Variants in WDR17 observed in about 807,000 individuals in gnomAD.
WDR17 encodes the protein WD repeat-containing protein 17.
Under a neutral mutation model 161.7 loss-of-function variants are expected in WDR17, and 143 were observed. The observed-to-expected ratio is 0.88, with a 90% CI of 0.77 to 1.02. The LOEUF is 1.02. Among genes scored for constraint, WDR17 ranks in the 50% least tolerant of loss-of-function variants. The probability of loss-of-function intolerance (pLI) is 0.00; values close to 1 mark genes in which losing one functional copy is unlikely to be tolerated. For missense variants in WDR17, 1,469 were observed against 1,520.9 expected (o/e 0.97, Z 0.57); for synonymous variants, 517 against 515.6 (o/e 1.00, Z -0.04).
At chr4:176,085,229 A>T (rs1293197998) in intron 1 of WDR17, among the ~76,000 whole-genome samples, 1 of 152,000 alleles carries the variant, frequency 6.6e-6, no homozygotes, top group Non-Finnish European at 1.5e-5. Context: ...TAATTCATTA[A>T]CTCCATGTAT....
At chr4:176,178,256 T>G (rs1751756840) in intron 28 of WDR17, among the ~76,000 whole-genome samples, 1 of 152,114 alleles carries the variant, frequency 6.6e-6, no homozygotes, top group African/African-American at 2.4e-5. Context: ...ATAACCAGTA[T>G]CTTCCAAAAG....
intron 15 of WDR17, 127 bp from the exon 16 acceptor site, chr4:176,150,341 G>C: frequency 1.4e-6 from 2 of 1,420,682 alleles, no homozygotes; most frequent in Non-Finnish European, 1.9e-6. Flanking sequence ...CAATACATGA[G>C]ATAACATGTA....
chr4:176,120,319 T>TATATATATATATAA (rs1491272016), intron 4 of WDR17, among the ~76,000 whole-genome samples: 147 of 138,756 alleles, frequency 1.1e-3, no homozygotes, highest in African/African-American at 3.3e-3. Context: ...TATATATATA[T>TATATATATATATAA]AATACATTCA....
intron 1 of WDR17, among the ~76,000 whole-genome samples, chr4:176,097,504 CT>C (rs1398752876): frequency 6.6e-6 from 1 of 151,394 alleles, no homozygotes; most frequent in Non-Finnish European, 1.5e-5. Flanking sequence ...TTTTCAGATA[CT>C]TTTTTTGTAA....
At position 176,075,671 on chromosome 4, in the gene WDR17, G is replaced by A. The variant is rs569606764; in HGVS notation, c.-7+9592G>A. On this transcript the variant is annotated intron_variant, in intron 1 of 28. Transcript: ENST00000508596. ...CCAGTATGAGAATGTCTTTCTGTTC[G>A]TTTTCCCTTCACACATGTATGATAC... Among the ~76,000 whole-genome samples, 173 of 152,098 alleles carry A rather than the reference G, an allele frequency of 1.1e-3. 4 individuals are homozygous for A. In the South Asian group the frequency reaches 0.03, roughly 27 times the overall value.
chr4:176,083,080 T>C (rs571012218), intron 1 of WDR17, among the ~76,000 whole-genome samples: 1 of 152,178 alleles, frequency 6.6e-6, no homozygotes, highest in African/African-American at 2.4e-5. Flanking sequence ...CTTAGAAGTC[T>C]ATTTTTTCCT....
At chr4:176,080,454 A>C (rs985385646) in intron 1 of WDR17, among the ~76,000 whole-genome samples, 14 of 152,022 alleles carry the variant, frequency 9.2e-5, no homozygotes, top group African/African-American at 3.4e-4. Context: ...ATTTTAAAAA[A>C]ACAATGGGGA....
chr4:176,172,581 G>A (rs1234583660), intron 24 of WDR17, 65 bp downstream of exon 24: 3 of 1,367,824 alleles, frequency 2.2e-6, no homozygotes, highest in Non-Finnish European at 3.0e-6. Flanking sequence ...TTTTCATACT[G>A]ATGATTGTTT....
At chr4:176,091,853 A>C (rs985289532) in intron 1 of WDR17, among the ~76,000 whole-genome samples, 3 of 152,152 alleles carry the variant, frequency 2.0e-5, no homozygotes, top group African/African-American at 7.2e-5. Flanking sequence ...CATGTCAATA[A>C]ATTAGAAAAC....
chr4:176,139,276 T>A (rs1385246320), intron 9 of WDR17, among the ~76,000 whole-genome samples: 11 of 151,940 alleles, frequency 7.2e-5, no homozygotes, highest in Non-Finnish European at 1.3e-4. Context: ...ATGAATGACA[T>A]TCTCATGTGT....
At chr4:176,123,699 C>T (rs1434266519) in intron 4 of WDR17, among the ~76,000 whole-genome samples, 3 of 152,196 alleles carry the variant, frequency 2.0e-5, no homozygotes, top group African/African-American at 4.8e-5. Flanking sequence ...CAGGAGCCTC[C>T]GTGTGCTCAG....
chr4:176,156,470 T>G (rs1282620847), intron 18 of WDR17, among the ~76,000 whole-genome samples: 2 of 152,142 alleles, frequency 1.3e-5, no homozygotes, highest in Non-Finnish European at 2.9e-5. Flanking sequence ...AAGGTTAGCA[T>G]AGGTTCGTAA....
intron 8 of WDR17, among the ~76,000 whole-genome samples, chr4:176,136,422 A>G (rs1213568568): frequency 6.6e-6 from 1 of 151,710 alleles, no homozygotes; most frequent in Non-Finnish European, 1.5e-5. Flanking sequence ...GAAACATAAA[A>G]CATAAATAAA....
intron 24 of WDR17, among the ~76,000 whole-genome samples, 196 bp downstream of exon 24, chr4:176,172,712 G>C (rs1402307845): frequency 6.6e-6 from 1 of 152,182 alleles, no homozygotes; most frequent in African/African-American, 2.4e-5. Flanking sequence ...TATCTGCTCA[G>C]CTTCAGGTGA....
chr4:176,118,980 A>AAAAT (rs1276073676), intron 3 of WDR17, among the ~76,000 whole-genome samples: 2 of 151,854 alleles, frequency 1.3e-5, no homozygotes, highest in Admixed American at 6.6e-5. Flanking sequence ...TAATTATTAT[A>AAAAT]AAATAAATAA....
intron 1 of WDR17, among the ~76,000 whole-genome samples, chr4:176,085,470 G>A (rs944292792): frequency 1.3e-5 from 2 of 152,048 alleles, no homozygotes; most frequent in South Asian, 2.1e-4. Context: ...AGTTTTACAT[G>A]TAGACTTATA....
chr4:176,079,429 GA>G (rs1441318394), intron 1 of WDR17, among the ~76,000 whole-genome samples: 1 of 152,074 alleles, frequency 6.6e-6, no homozygotes, highest in Non-Finnish European at 1.5e-5. Flanking sequence ...AAATGTATTA[GA>G]ATTGGAAAAA....
chr4:176,097,728 CACACACACACACAT>C (rs1006425771), intron 1 of WDR17, among the ~76,000 whole-genome samples: 5 of 128,776 alleles, frequency 3.9e-5, no homozygotes, highest in African/African-American at 1.5e-4. Context: ...CTTACACACA[CACACACACACACAT>C]ACACACACAC....
chr4:176,078,219 A>T (rs1428662877), intron 1 of WDR17, among the ~76,000 whole-genome samples: 2 of 152,032 alleles, frequency 1.3e-5, no homozygotes, highest in Non-Finnish European at 2.9e-5. Context: ...GACTATTATA[A>T]ATAAATGTTT....
Sources: gnomAD v4.1 joint callset for allele counts (sites outside exome capture counted in the v4.1 genomes callset) on GRCh38, gnomAD v4.1.1 for gene constraint, MANE v1.5 for transcripts, NCBI Gene and HGNC (gene_info 2026-07-23, HGNC 2026-07-21) for gene names.